The following TMC1 variants were observed in gnomAD, a reference collection of about 807,000 sequenced individuals.
The protein encoded by TMC1 is transmembrane channel like 1.
Under a neutral mutation model 105.8 loss-of-function variants are expected in TMC1, and 84 were observed. That is an observed-to-expected ratio of 0.79 (90% CI 0.67 to 0.95). TMC1 has a LOEUF of 0.95. TMC1 is among the 40% of genes least tolerant of loss of function. The pLI, the probability that TMC1 is intolerant of heterozygous loss-of-function variation, is 0.00. For missense variants in TMC1, 817 were observed against 914.1 expected (o/e 0.89, Z 1.37); for synonymous variants, 315 against 311.5 (o/e 1.01, Z -0.12).
intron 10 of TMC1, among the ~76,000 whole-genome samples, chr9:72,746,625 C>T (rs1217124140): frequency 1.1e-4 from 16 of 152,158 alleles, no homozygotes; most frequent in Admixed American, 1.0e-3. Context: ...TTTCCCAAAG[C>T]TCTGTCCAAT....
rs529441951 is a variant in TMC1, at chr9:72,604,219, A to G, written c.-305-12149A>G. 3.9e-5 allele frequency among the ~76,000 whole-genome samples: 6 copies of G among 152,290 alleles called. No individual in the cohort carries two copies. In the South Asian group the frequency reaches 1.2e-3, roughly 32 times the overall value. On this transcript the variant is annotated intron_variant, in intron 2 of 23. Transcript: ENST00000297784. ...CTAATGTGCTTTTAACTTTAATGCC[A>G]ATTTATCACAATGGAAGACATTTCA...
chr9:72,607,655 C>T (rs1333235664), intron 2 of TMC1, among the ~76,000 whole-genome samples: 1 of 139,942 alleles, frequency 7.1e-6, no homozygotes, highest in African/African-American at 2.7e-5. Flanking sequence ...GTATCAAAAT[C>T]ATTATTTTAG....
In TMC1 at chr9:72,825,412, T is replaced by C. The variant is rs983432605; in HGVS notation, c.2004-1457T>C. On this transcript the variant is annotated intron_variant, in intron 20 of 23. Transcript: ENST00000297784. ...GCAGGAGAAGGCATTGCCAGGGACATGTAGATGCGTCCATAATTTGTACGT... is the reference window on the plus strand; with the variant it reads ...GCAGGAGAAGGCATTGCCAGGGACACGTAGATGCGTCCATAATTTGTACGT... 2.6e-5 allele frequency among the ~76,000 whole-genome samples: 4 copies of C among 152,204 alleles called. No homozygotes were observed. In the South Asian group the frequency reaches 6.2e-4, roughly 24 times the overall value.
intron 3 of TMC1, among the ~76,000 whole-genome samples, chr9:72,621,187 C>CGTGTT (rs1825242489): frequency 6.6e-6 from 1 of 152,168 alleles, no homozygotes; most frequent in African/African-American, 2.4e-5. Flanking sequence ...GTTATTGTAA[C>CGTGTT]ACAGATTTAG....
At chr9:72,577,139 T>C (rs1473004213) in intron 1 of TMC1, among the ~76,000 whole-genome samples, 1 of 152,214 alleles carries the variant, frequency 6.6e-6, no homozygotes, top group Non-Finnish European at 1.5e-5. Flanking sequence ...AATCCGCTGA[T>C]TACTCCTCCA....
chr9:72,786,298 G>T (rs1247479818), intron 13 of TMC1, among the ~76,000 whole-genome samples: 1 of 152,106 alleles, frequency 6.6e-6, no homozygotes, highest in Non-Finnish European at 1.5e-5. Flanking sequence ...CAAAAAATTA[G>T]CCAGGCATGG....
chr9:72,709,268 AT>A (rs1161808769), intron 8 of TMC1, among the ~76,000 whole-genome samples: 1 of 152,082 alleles, frequency 6.6e-6, no homozygotes, highest in Non-Finnish European at 1.5e-5. Context: ...GTTAGCTAGT[AT>A]TTTGTTAAGG....
intron 1 of TMC1, among the ~76,000 whole-genome samples, chr9:72,551,348 G>T (rs190639154): frequency 6.6e-6 from 1 of 152,300 alleles, no homozygotes; most frequent in Non-Finnish European, 1.5e-5. Context: ...TAAAACAAAA[G>T]ATCTTATAGG....
At chr9:72,739,466 T>G (rs1439433464) in intron 8 of TMC1, among the ~76,000 whole-genome samples, 1 of 152,256 alleles carries the variant, frequency 6.6e-6, no homozygotes, top group Non-Finnish European at 1.5e-5. Flanking sequence ...TGTTTTTTAT[T>G]ATGCATACCA....
intron 1 of TMC1, among the ~76,000 whole-genome samples, chr9:72,576,496 CCTT>C (rs1213685406): frequency 3.9e-5 from 6 of 152,018 alleles, no homozygotes; most frequent in Admixed American, 2.0e-4. Context: ...TTACGGAGCT[CCTT>C]CTTGTGCCAA....
At chr9:72,538,155 GA>G (rs35243551) in intron 1 of TMC1, among the ~76,000 whole-genome samples, 77,534 of 124,304 alleles carry the variant, frequency 0.62, 23,835 homozygotes, top group African/African-American at 0.81. Context: ...GACCCTGTCT[GA>G]AAAAAAAAAA....
intron 5 of TMC1, among the ~76,000 whole-genome samples, chr9:72,666,685 C>T (rs1049706682): frequency 6.6e-6 from 1 of 152,210 alleles, no homozygotes; most frequent in South Asian, 2.1e-4. Flanking sequence ...CAACAAAGCC[C>T]CTGCCTTCCC....
chr9:72,725,923 C>G (rs1827117060), intron 8 of TMC1, among the ~76,000 whole-genome samples: 1 of 152,094 alleles, frequency 6.6e-6, no homozygotes, highest in Non-Finnish European at 1.5e-5. Flanking sequence ...ATCTCCTGAC[C>G]TCGTGATCCA....
rs573238431 is a variant in TMC1, at chr9:72,639,126, G to A, written c.-52-9471G>A. 3.3e-4 allele frequency among the ~76,000 whole-genome samples: 50 copies of A among 151,992 alleles called. No homozygotes were observed. The South Asian group carries it at 9.8e-3, about 30-fold the overall frequency. On this transcript the variant is annotated intron_variant, in intron 4 of 23. Transcript: ENST00000297784. Reference sequence around the variant, plus strand: ...AGGAAATATGTGAAGTTATATAAATGTGTAATGAATTTCATTACTGGGAAC... The same window carrying A: ...AGGAAATATGTGAAGTTATATAAATATGTAATGAATTTCATTACTGGGAAC...
chr9:72,608,702 CAA>C (rs10548842), intron 2 of TMC1, among the ~76,000 whole-genome samples: 70,506 of 122,420 alleles, frequency 0.58, 17,681 homozygotes, highest in African/African-American at 0.69. Flanking sequence ...GACTTCATCT[CAA>C]AAAAAAAAAA....
At chr9:72,621,443 T>A (rs1170995502) in intron 3 of TMC1, among the ~76,000 whole-genome samples, 2 of 152,210 alleles carry the variant, frequency 1.3e-5, no homozygotes, top group African/African-American at 4.8e-5. Context: ...AAGTCCTCAA[T>A]CCAAAAGTGT....
At chr9:72,740,922 AG>A (rs1827378531) in intron 9 of TMC1, among the ~76,000 whole-genome samples, 1 of 152,188 alleles carries the variant, frequency 6.6e-6, no homozygotes, top group South Asian at 2.1e-4. Context: ...TGAATCATAT[AG>A]TATCTATGCA....
At chr9:72,597,353 G>A (rs1479665639) in intron 2 of TMC1, among the ~76,000 whole-genome samples, 4 of 152,144 alleles carry the variant, frequency 2.6e-5, no homozygotes, top group Non-Finnish European at 4.4e-5. Flanking sequence ...AGATTGGCTC[G>A]GAAGTACTCA....
At chr9:72,592,960 A>AACTAT (rs1368241977) in intron 2 of TMC1, among the ~76,000 whole-genome samples, 8 of 152,206 alleles carry the variant, frequency 5.3e-5, no homozygotes, top group Admixed American at 1.3e-4. Flanking sequence ...GTGATACAAC[A>AACTAT]ACTATTATCT....
Sources: gnomAD v4.1 joint callset for allele counts (sites outside exome capture counted in the v4.1 genomes callset) on GRCh38, gnomAD v4.1.1 for gene constraint, MANE v1.5 for transcripts, NCBI Gene and HGNC (gene_info 2026-07-23, HGNC 2026-07-21) for gene names.